Variants in AVL9 observed in about 807,000 individuals in gnomAD.
AVL9 encodes late secretory pathway protein AVL9 homolog.
AVL9 carries 49 observed loss-of-function variants against 79.2 expected under a neutral mutation model. The observed-to-expected ratio is 0.62, with a 90% CI of 0.49 to 0.79. The LOEUF is 0.79. Among genes scored for constraint, AVL9 ranks in the 30% least tolerant of loss-of-function variants. The pLI is 0.00. For missense variants in AVL9, 682 were observed against 776.8 expected, an observed-to-expected ratio of 0.88 and a Z score of 1.45; for synonymous variants, 299 against 280.6, an observed-to-expected ratio of 1.07 and a Z score of -0.65.
chr7:32,511,758 C>A (rs1005360347), intron 1 of AVL9, among the ~76,000 whole-genome samples: 1 of 151,828 alleles, frequency 6.6e-6, no homozygotes, highest in Non-Finnish European at 1.5e-5. Flanking sequence ...GGAGAGGAGG[C>A]TGAGGGCAGG....
At chr7:32,581,134 T>C in intron 15 of AVL9, 1 of 466,866 alleles carries the variant, frequency 2.1e-6, no homozygotes, top group Non-Finnish European at 3.8e-6. Flanking sequence ...CTACCAAGAT[T>C]CAAGCTGCAC....
intron 10 of AVL9, among the ~76,000 whole-genome samples, chr7:32,562,114 C>G (rs1187404048): frequency 6.6e-6 from 1 of 152,098 alleles, no homozygotes; most frequent in Non-Finnish European, 1.5e-5. Context: ...GTGAGAATTA[C>G]CAAAATGTGA....
rs1340403942 is a variant in AVL9 at position 32,587,149 on chromosome 7, A to G, written c.*3242A>G. ...CTAAGCATCTGATGTTTTTTAGAAT[A>G]ATTTCCTTTGGAAAGCCAACGAGAA... On this transcript the variant is annotated 3_prime_UTR_variant, in exon 16 of 16. Transcript: ENST00000318709. 4 of 152,246 alleles carry G rather than the reference A, an allele frequency of 2.6e-5. No homozygotes were observed. Among genetic ancestry groups the G allele is most frequent in the African/African-American group, 7.2e-5 (3 of 41,458 alleles). 9.4% of individuals were successfully genotyped at this position (152,246 alleles called of 1,614,324 possible). A position where few individuals can be genotyped will look rare whatever the true frequency, so the allele number is the denominator to read the frequency against.
chr7:32,500,170 ACTGT>A (rs1401150363), intron 1 of AVL9, among the ~76,000 whole-genome samples: 1 of 152,194 alleles, frequency 6.6e-6, no homozygotes, highest in African/African-American at 2.4e-5. Flanking sequence ...GAATCACCAC[ACTGT>A]CTTCCACAAT....
intron 8 of AVL9, 139 bp from the exon 9 acceptor site, chr7:32,558,420 T>G (rs1790179660): frequency 1.7e-6 from 1 of 581,580 alleles, no homozygotes; most frequent in Admixed American, 3.3e-5. Context: ...CCTCCCAAAG[T>G]GCTGGGATTA....
intron 2 of AVL9, 92 bp from the exon 3 acceptor site, chr7:32,544,602 G>A: frequency 1.2e-6 from 1 of 806,244 alleles, no homozygotes; most frequent in Non-Finnish European, 2.0e-6. Context: ...TCATTTTTGT[G>A]TTAATGACTG....
At chr7:32,522,366 C>G (rs535201934) in intron 1 of AVL9, among the ~76,000 whole-genome samples, 1 of 152,186 alleles carries the variant, frequency 6.6e-6, no homozygotes, top group Non-Finnish European at 1.5e-5. Context: ...TCACCTCTTG[C>G]ATCAGTGTGA....
At chr7:32,505,719 CT>C (rs1787385373) in intron 1 of AVL9, among the ~76,000 whole-genome samples, 1 of 151,846 alleles carries the variant, frequency 6.6e-6, no homozygotes, top group African/African-American at 2.4e-5. Flanking sequence ...AATTTTGAGA[CT>C]TACAAGTATG....
In AVL9 at chr7:32,576,130, T is replaced by C. The variant is rs1349603903; in HGVS notation, c.1688+58T>C. The C allele has an allele frequency of 2.6e-6, 3 of 1,146,802 alleles. No individual in the cohort carries two copies. The African/African-American group carries it at 4.6e-5, about 18-fold the overall frequency. 71.0% of individuals were successfully genotyped at this position (1,146,802 alleles called of 1,614,324 possible). A position where few individuals can be genotyped will look rare whatever the true frequency, so the allele number is the denominator to read the frequency against. On this transcript the variant is annotated intron_variant, in intron 13 of 15. Coordinates refer to ENST00000318709, the MANE Select transcript of AVL9 (RefSeq NM_015060.3). The stretch of plus-strand genomic sequence containing the variant: ...AAATGGTTGGTTTACGAGTGCCCAA[T>C]ACAGAGAAAAATCTATTTTAACTTT...
At chr7:32,518,438 A>G (rs977922898) in intron 1 of AVL9, among the ~76,000 whole-genome samples, 1 of 152,188 alleles carries the variant, frequency 6.6e-6, no homozygotes, top group African/African-American at 2.4e-5. Flanking sequence ...AAATGTTTGG[A>G]TATTTTCCAA....
At chr7:32,532,404 A>G (rs551544721) in intron 1 of AVL9, 10 of 152,316 alleles carry the variant, frequency 6.6e-5, no homozygotes, top group African/African-American at 2.4e-4. Flanking sequence ...AGGCTTTTCC[A>G]CTTCAAGGTG....
At position 32,559,415 on chromosome 7, in the gene AVL9, C is replaced by T. The variant is rs748552072; in HGVS notation, c.1166C>T (p.Ser389Leu). The change falls in exon 10 of 16, where the codon TCG becomes TTG. Residue 389 changes from serine to leucine, a missense_variant. Coordinates refer to ENST00000318709, the MANE Select transcript of AVL9 (RefSeq NM_015060.3). ...GQVVLIPGLI[S>L]GLEEDQYGMP... ...GTAGTCCTGATACCAGGGCTCATTTCGGGTTTGGAAGAGGATCAGTATGGC... is the reference window on the plus strand; with the variant it reads ...GTAGTCCTGATACCAGGGCTCATTTTGGGTTTGGAAGAGGATCAGTATGGC... 88 of 1,605,878 alleles carry T rather than the reference C, an allele frequency of 5.5e-5. No homozygotes were observed. The highest frequency in any genetic ancestry group is 1.1e-4 in the East Asian group (5 of 44,828).
chr7:32,524,855 C>G (rs558394569), intron 1 of AVL9, among the ~76,000 whole-genome samples: 32 of 152,260 alleles, frequency 2.1e-4, no homozygotes, highest in African/African-American at 7.5e-4. Context: ...GGGGCATGTA[C>G]TGTCTTGCTA....
chr7:32,571,386 G>A (rs1328791868), intron 11 of AVL9, among the ~76,000 whole-genome samples: 2 of 151,896 alleles, frequency 1.3e-5, no homozygotes, highest in East Asian at 3.9e-4. Context: ...AAATTAGCTG[G>A]GCATGGTGGC....
intron 10 of AVL9, among the ~76,000 whole-genome samples, chr7:32,561,162 AG>A (rs1790314195): frequency 6.6e-6 from 1 of 152,222 alleles, no homozygotes; most frequent in Non-Finnish European, 1.5e-5. Flanking sequence ...CAGCTGCATT[AG>A]CCCCCAGTAA....
chr7:32,529,202 G>A (rs1788535169), intron 1 of AVL9, among the ~76,000 whole-genome samples: 1 of 152,212 alleles, frequency 6.6e-6, no homozygotes. Flanking sequence ...CTGATGAGCT[G>A]AGCAGAAGAG....
intron 14 of AVL9, 70 bp from the exon 15 acceptor site, chr7:32,580,732 T>G: frequency 1.0e-6 from 1 of 1,003,996 alleles, no homozygotes. Context: ...TGTCTATATG[T>G]GTCTGTGTGC....
chr7:32,552,163 C>G (rs1286053695), intron 5 of AVL9, 66 bp from the exon 6 acceptor site: 6 of 1,020,004 alleles, frequency 5.9e-6, no homozygotes, highest in South Asian at 4.2e-5. Flanking sequence ...TTTTTCTGAT[C>G]AATATATTTC....
intron 1 of AVL9, among the ~76,000 whole-genome samples, chr7:32,502,135 G>T (rs1306575677): frequency 2.0e-5 from 3 of 151,966 alleles, no homozygotes; most frequent in Non-Finnish European, 4.4e-5. Context: ...AGGCCAAGAT[G>T]GGAAGATCGC....
Sources: gnomAD v4.1 joint callset for allele counts (sites outside exome capture counted in the v4.1 genomes callset) on GRCh38, gnomAD v4.1.1 for gene constraint, MANE v1.5 for transcripts, NCBI Gene and HGNC (gene_info 2026-07-23, HGNC 2026-07-21) for gene names.